Variants in SLC24A2 observed in about 807,000 individuals in gnomAD.
SLC24A2 encodes the protein sodium/potassium/calcium exchanger 2.
SLC24A2 carries 36 observed loss-of-function variants against 62.0 expected under a neutral mutation model. The ratio of observed to expected loss-of-function variants is 0.58; its 90% CI spans 0.44 to 0.77. The LOEUF is 0.77. Among genes scored for constraint, SLC24A2 ranks in the 30% least tolerant of loss-of-function variants. The pLI is 0.00. For missense variants in SLC24A2, 846 were observed against 817.9 expected (o/e 1.03, Z -0.42); for synonymous variants, 358 against 294.0 (o/e 1.22, Z -2.23).
chr9:19,926,792 T>C, the SLC24A2 span: 1 of 152,422 alleles, frequency 6.6e-6, no homozygotes, highest in Non-Finnish European at 1.5e-5. Context: ...GCTGTTGTGA[T>C]AGCTGACCTA....
intron 2 of SLC24A2, among the ~76,000 whole-genome samples, chr9:19,750,967 C>A (rs1171606342): frequency 1.3e-5 from 2 of 152,192 alleles, no homozygotes; most frequent in Non-Finnish European, 2.9e-5. Flanking sequence ...AGCCGGCTTC[C>A]TTCTCGACTG....
At chr9:20,170,440 C>T in the SLC24A2 span, among the ~76,000 whole-genome samples, 4 of 152,082 alleles carry the variant, frequency 2.6e-5, no homozygotes, top group East Asian at 2.0e-4. Flanking sequence ...GTCAGACGCA[C>T]AATCTGAGCT....
At chr9:20,283,600 G>A in the SLC24A2 span, among the ~76,000 whole-genome samples, 5 of 152,100 alleles carry the variant, frequency 3.3e-5, no homozygotes, top group Non-Finnish European at 7.3e-5. Flanking sequence ...ATTCAACTGA[G>A]GGGCATAAAG....
At chr9:19,948,575 G>T in the SLC24A2 span, among the ~76,000 whole-genome samples, 2 of 152,110 alleles carry the variant, frequency 1.3e-5, no homozygotes, top group Non-Finnish European at 1.5e-5. Flanking sequence ...CAGAGCTAAC[G>T]GGCCGGGCGC....
At chr9:20,222,821 G>C in the SLC24A2 span, among the ~76,000 whole-genome samples, 1 of 151,932 alleles carries the variant, frequency 6.6e-6, no homozygotes, top group Non-Finnish European at 1.5e-5. Flanking sequence ...AATGATAAGG[G>C]AACTTCCTTA....
intron 7 of SLC24A2, among the ~76,000 whole-genome samples, chr9:19,568,778 G>T (rs1430457544): frequency 6.6e-6 from 1 of 152,196 alleles, no homozygotes; most frequent in South Asian, 2.1e-4. Flanking sequence ...TTTGGAAAAG[G>T]TAATGCAATT....
chr9:19,999,183 A>T, the SLC24A2 span, among the ~76,000 whole-genome samples: 1 of 152,350 alleles, frequency 6.6e-6, no homozygotes, highest in Non-Finnish European at 1.5e-5. Context: ...GCAGGGAGCC[A>T]CGGCTTTGCC....
chr9:19,942,495 T>A, the SLC24A2 span, among the ~76,000 whole-genome samples: 1 of 152,172 alleles, frequency 6.6e-6, no homozygotes, highest in Admixed American at 6.5e-5. Context: ...TCATTTCAAG[T>A]CACAATCCAG....
At chr9:19,830,640 C>A in the SLC24A2 span, among the ~76,000 whole-genome samples, 2 of 152,138 alleles carry the variant, frequency 1.3e-5, no homozygotes, top group African/African-American at 4.8e-5. Flanking sequence ...AGCAAGGCCA[C>A]AAAAAGTTCA....
chr9:19,650,663 G>C (rs1052884564), intron 2 of SLC24A2, among the ~76,000 whole-genome samples: 1 of 152,172 alleles, frequency 6.6e-6, no homozygotes, highest in African/African-American at 2.4e-5. Context: ...ATGTTCTGGA[G>C]TGGATCAATT....
chr9:20,148,643 C>G, the SLC24A2 span, among the ~76,000 whole-genome samples: 1 of 152,078 alleles, frequency 6.6e-6, no homozygotes, highest in East Asian at 1.9e-4. Context: ...GGATTTTGAC[C>G]TCAGTTGGAA....
chr9:19,961,129 C>T, the SLC24A2 span, among the ~76,000 whole-genome samples: 2 of 108,444 alleles, frequency 1.8e-5, no homozygotes, highest in South Asian at 6.3e-4. Flanking sequence ...GAGAGAGAGA[C>T]AGAAGAAAGG....
the SLC24A2 span, among the ~76,000 whole-genome samples, chr9:20,279,347 A>G: frequency 1.3e-5 from 2 of 152,130 alleles, no homozygotes; most frequent in Non-Finnish European, 2.9e-5. Context: ...CTTGTCCAAC[A>G]TGGTGAAACC....
the SLC24A2 span, among the ~76,000 whole-genome samples, chr9:20,049,038 C>T: frequency 1.3e-5 from 2 of 152,044 alleles, no homozygotes; most frequent in African/African-American, 2.4e-5. Context: ...CCCATCAACT[C>T]GTTTTATCAG....
chr9:19,546,307 G>T (rs1211261862), intron 8 of SLC24A2, among the ~76,000 whole-genome samples: 9 of 152,224 alleles, frequency 5.9e-5, no homozygotes, highest in Admixed American at 2.6e-4. Context: ...CCTTCCGCCA[G>T]ATGCTCTGTC....
chr9:20,081,799 T>C, the SLC24A2 span, among the ~76,000 whole-genome samples: 5 of 152,178 alleles, frequency 3.3e-5, no homozygotes, highest in Admixed American at 2.0e-4. Context: ...ATTCCTCAGA[T>C]ATCATTGGGT....
chr9:20,225,564 A>ATATATAT, the SLC24A2 span, among the ~76,000 whole-genome samples: 40 of 115,952 alleles, frequency 3.4e-4, 4 homozygotes, highest in South Asian at 3.5e-3. Context: ...TATATATTAT[A>ATATATAT]TATATATATA....
At chr9:19,971,249 C>T in the SLC24A2 span, among the ~76,000 whole-genome samples, 1 of 152,098 alleles carries the variant, frequency 6.6e-6, no homozygotes, top group African/African-American at 2.4e-5. Context: ...CTTAGCTGAC[C>T]CAAGATCAGC....
At chr9:19,925,989 A>G in the SLC24A2 span, 8 of 152,128 alleles carry the variant, frequency 5.3e-5, no homozygotes, top group African/African-American at 1.9e-4. Flanking sequence ...CAGTATTTCG[A>G]ATCAAAACAA....
Sources: gnomAD v4.1 joint callset for allele counts (sites outside exome capture counted in the v4.1 genomes callset) on GRCh38, gnomAD v4.1.1 for gene constraint, MANE v1.5 for transcripts, NCBI Gene and HGNC (gene_info 2026-07-23, HGNC 2026-07-21) for gene names.